Variants in SCAPER observed in about 807,000 individuals in gnomAD.
SCAPER encodes the protein S phase cyclin A-associated protein in the endoplasmic reticulum.
Under a neutral mutation model 182.2 loss-of-function variants are expected in SCAPER, and 98 were observed. The observed-to-expected ratio is 0.54, with a 90% CI of 0.46 to 0.64. The LOEUF (loss-of-function observed/expected upper bound fraction) is 0.64. Ranked by LOEUF, SCAPER falls within the 30% of genes least tolerant of loss-of-function variation. The pLI is 0.00. For synonymous variants in SCAPER, 605 were observed against 564.6 expected (o/e 1.07, Z -1.01); for missense variants, 1,432 against 1,690.0 (o/e 0.85, Z 2.68).
intron 29 of SCAPER, among the ~76,000 whole-genome samples, chr15:76,362,415 CT>C (rs539666470): frequency 0.11 from 15,689 of 143,262 alleles, 950 homozygotes; most frequent in African/African-American, 0.18. Context: ...CTTGCTCCCT[CT>C]TTTTTTTTTT....
chr15:76,652,337 CATAT>C lies in SCAPER; in HGVS notation c.2645+13312_2645+13315del, dbSNP rs1376905603. The stretch of plus-strand genomic sequence containing the variant: ...ACACACACACACACACACACATACA[CATAT>C]ATACACACACACACACACACACACA... On this transcript the variant is annotated intron_variant, in intron 21 of 31. Transcript: ENST00000563290. Among the ~76,000 whole-genome samples, 2 of 13,794 alleles carry C rather than the reference CATAT, an allele frequency of 1.4e-4. 1 individual carries two copies. The highest frequency in any genetic ancestry group is 5.3e-4 in the African/African-American group (2 of 3,802). The allele number at this position is 13,794 out of a possible 152,430, so 9.0% of individuals were successfully genotyped here.
At chr15:76,508,715 T>C (rs1004684628) in intron 23 of SCAPER, among the ~76,000 whole-genome samples, 1 of 152,150 alleles carries the variant, frequency 6.6e-6, no homozygotes, top group East Asian at 1.9e-4. Flanking sequence ...AGGTATATCT[T>C]ATAATAGGGT....
intron 24 of SCAPER, among the ~76,000 whole-genome samples, chr15:76,478,173 T>A (rs536213137): frequency 6.6e-6 from 1 of 151,912 alleles, no homozygotes; most frequent in East Asian, 1.9e-4. Flanking sequence ...TACTTTCTTA[T>A]TTTTCTTCAA....
chr15:76,553,610 GGCCCCTCCA>G (rs1298432935), intron 23 of SCAPER, among the ~76,000 whole-genome samples: 1 of 152,016 alleles, frequency 6.6e-6, no homozygotes, highest in Non-Finnish European at 1.5e-5. Flanking sequence ...GGAATACCTA[GGCCCCTCCA>G]GCACAGCAGG....
At chr15:76,578,531 G>A (rs1479892123) in intron 22 of SCAPER, among the ~76,000 whole-genome samples, 1 of 152,180 alleles carries the variant, frequency 6.6e-6, no homozygotes, top group Non-Finnish European at 1.5e-5. Context: ...ATTTGTTTGG[G>A]AGAAAATAAG....
chr15:76,881,703 G>A (rs1334039265), intron 2 of SCAPER, among the ~76,000 whole-genome samples: 1 of 152,102 alleles, frequency 6.6e-6, no homozygotes, highest in Non-Finnish European at 1.5e-5. Context: ...GACAGCAAGT[G>A]GTACAGGAGC....
At position 76,434,082 on chromosome 15, in the gene SCAPER, T is replaced by G. The variant is rs1198307553; in HGVS notation, c.3307A>C (p.Ile1103Leu). The G allele has an allele frequency of 6.2e-7, 1 of 1,611,420 alleles. No homozygotes were observed. The highest frequency in any genetic ancestry group is 8.5e-7 in the Non-Finnish European group (1 of 1,178,402). ...DPFNNRVQDLISYVVNMGLID... is the reference protein window; with the variant it reads ...DPFNNRVQDLLSYVVNMGLID... ...TAAGAACTCTAGCAATTTTACCTGATAAGGTCCTGAACTCGATTGTTAAAA... is the reference window on the plus strand; with the variant it reads ...TAAGAACTCTAGCAATTTTACCTGAGAAGGTCCTGAACTCGATTGTTAAAA... The change falls in exon 26 of 32, where the codon ATC becomes CTC. Residue 1103 changes from isoleucine (I) to leucine (L), a missense_variant. Transcript: ENST00000563290.
At chr15:76,388,843 C>A (rs530918478) in intron 27 of SCAPER, among the ~76,000 whole-genome samples, 28 of 152,028 alleles carry the variant, frequency 1.8e-4, no homozygotes, top group South Asian at 1.0e-3. Context: ...CGCCTGTAAT[C>A]CCAGCTACTC....
At chr15:76,369,520 C>T (rs1596321833) in intron 29 of SCAPER, among the ~76,000 whole-genome samples, 1 of 152,282 alleles carries the variant, frequency 6.6e-6, no homozygotes, top group East Asian at 1.9e-4. Context: ...CTCAGTTCCT[C>T]CACCTACAAT....
intron 22 of SCAPER, among the ~76,000 whole-genome samples, chr15:76,589,395 G>C (rs2048937245): frequency 6.6e-6 from 1 of 152,120 alleles, no homozygotes; most frequent in Admixed American, 6.6e-5. Context: ...GCTTGCTGCG[G>C]CAATGGAGTT....
chr15:76,703,365 T>C (rs2059068524), intron 18 of SCAPER, among the ~76,000 whole-genome samples: 1 of 152,190 alleles, frequency 6.6e-6, no homozygotes, highest in Non-Finnish European at 1.5e-5. Context: ...GGCATCAACT[T>C]ACAAATTATT....
chr15:76,718,753 GC>G lies in SCAPER; in HGVS notation c.2165+9841del, dbSNP rs2060031542. Reference sequence around the variant, plus strand: ...CTGATTTTAAAATGGGTAAAGAATCGCCATAGACATTTCTCCAAAGAAGTCA... The same window carrying G: ...CTGATTTTAAAATGGGTAAAGAATCGCATAGACATTTCTCCAAAGAAGTCA... On this transcript the variant is annotated intron_variant, in intron 17 of 31. Transcript: ENST00000563290. 2.6e-5 allele frequency among the ~76,000 whole-genome samples: 4 copies of G among 151,888 alleles called. No individual in the cohort carries two copies. In the South Asian group the frequency reaches 8.3e-4, roughly 32 times the overall value.
chr15:76,706,098 T>A lies in SCAPER; in HGVS notation c.2166-114A>T, dbSNP rs536434855. The A allele has an allele frequency of 7.3e-4, 469 of 640,890 alleles. 1 individual carries two copies. The highest frequency in any genetic ancestry group is 1.5e-3 in the South Asian group (48 of 31,346). The allele number at this position is 640,890 out of a possible 1,614,324, so 39.7% of individuals were successfully genotyped here. A position where few individuals can be genotyped will look rare whatever the true frequency, so the allele number is the denominator to read the frequency against. The stretch of plus-strand genomic sequence containing the variant: ...CATATAGTCTAAAGGGCTACTTTTT[T>A]AAAATATTCTTCTTAAAGTGCCTAC... On this transcript the variant is annotated intron_variant, in intron 17 of 31. Coordinates refer to ENST00000563290, the MANE Select transcript of SCAPER (RefSeq NM_020843.4).
chr15:76,546,491 T>C (rs1424093296), intron 23 of SCAPER, among the ~76,000 whole-genome samples: 1 of 152,120 alleles, frequency 6.6e-6, no homozygotes, highest in Non-Finnish European at 1.5e-5. Flanking sequence ...TGTCTGACCA[T>C]GCTTTATTGT....
At chr15:76,708,373 T>C (rs1428192927) in intron 17 of SCAPER, among the ~76,000 whole-genome samples, 1 of 151,732 alleles carries the variant, frequency 6.6e-6, no homozygotes, top group South Asian at 2.1e-4. Flanking sequence ...AAAAATACAG[T>C]ATATCAAAAT....
chr15:76,757,491 C>A (rs2062518494), intron 14 of SCAPER, among the ~76,000 whole-genome samples: 2 of 151,452 alleles, frequency 1.3e-5, no homozygotes, highest in Non-Finnish European at 3.0e-5. Context: ...CAAATATATA[C>A]CATATTTTTC....
chr15:76,712,719 T>G (rs1357564862), intron 17 of SCAPER, among the ~76,000 whole-genome samples: 1 of 152,114 alleles, frequency 6.6e-6, no homozygotes, highest in Admixed American at 6.6e-5. Flanking sequence ...GGGAGTTCAC[T>G]CATGATTTTG....
chr15:76,479,545 T>C (rs962033129), intron 24 of SCAPER, among the ~76,000 whole-genome samples: 7 of 152,046 alleles, frequency 4.6e-5, no homozygotes, highest in African/African-American at 1.7e-4. Flanking sequence ...ATGTTTCCTC[T>C]CAAAAAACAG....
At chr15:76,382,837 C>G (rs1274070249) in intron 27 of SCAPER, among the ~76,000 whole-genome samples, 1 of 152,128 alleles carries the variant, frequency 6.6e-6, no homozygotes, top group Non-Finnish European at 1.5e-5. Context: ...GATGTAAGGT[C>G]TGGAGTTGCT....
Sources: allele counts gnomAD v4.1 joint callset (sites outside exome capture counted in the v4.1 genomes callset), GRCh38; gene constraint gnomAD v4.1.1; transcripts MANE v1.5; gene names NCBI Gene and HGNC (gene_info 2026-07-23, HGNC 2026-07-21).